Variants in ZNF487 observed in about 807,000 individuals in gnomAD.
ZNF487 encodes KRAB domain only 1.
In ZNF487, 4 loss-of-function variants were observed where a neutral mutation model predicts 3.0. The observed-to-expected ratio is 1.35, with a 90% confidence interval of 0.66 to 3.08. The LOEUF (loss-of-function observed/expected upper bound fraction) is 3.08, where lower values mean the gene tolerates loss of function less well. ZNF487 is among the 30% of genes most tolerant of loss of function. The pLI is 0.01. For synonymous variants in ZNF487, 55 were observed against 34.6 expected, an observed-to-expected ratio of 1.59 and a Z score of -2.06; for missense variants, 146 against 98.7, an observed-to-expected ratio of 1.48 and a Z score of -2.03.
the ZNF487 span, among the ~76,000 whole-genome samples, chr10:43,519,809 G>GC: frequency 6.6e-6 from 1 of 152,044 alleles, no homozygotes; most frequent in Non-Finnish European, 1.5e-5. Context: ...GCCACATTTA[G>GC]CCTGACCAAA....
intron 1 of ZNF487, among the ~76,000 whole-genome samples, chr10:43,438,580 A>G (rs545391422): frequency 2.4e-4 from 37 of 152,348 alleles, no homozygotes; most frequent in Non-Finnish European, 1.5e-5. Flanking sequence ...CCCTCAAAAA[A>G]TTAACAAATA....
chr10:43,480,064 GCTTCCTTC>G (rs1314606439), intron 3 of ZNF487, among the ~76,000 whole-genome samples: 2 of 122,356 alleles, frequency 1.6e-5, no homozygotes, highest in African/African-American at 3.2e-5. Context: ...TTTCTTCCTT[GCTTCCTTC>G]CTTCCTTCCT....
intron 1 of ZNF487, among the ~76,000 whole-genome samples, chr10:43,462,529 C>T (rs982070365): frequency 4.1e-5 from 6 of 147,728 alleles, no homozygotes; most frequent in Non-Finnish European, 1.5e-5. Context: ...GATCTCAGCT[C>T]ACTGCAACCT....
intron 3 of ZNF487, among the ~76,000 whole-genome samples, chr10:43,478,809 T>A (rs1841197919): frequency 6.6e-6 from 1 of 151,758 alleles, no homozygotes; most frequent in African/African-American, 2.4e-5. Context: ...GGAATATAAA[T>A]GATATATGGT....
intron 1 of ZNF487, among the ~76,000 whole-genome samples, chr10:43,465,553 C>T (rs1313735014): frequency 1.4e-5 from 2 of 146,864 alleles, no homozygotes; most frequent in African/African-American, 2.6e-5. Flanking sequence ...CCTGACGGGG[C>T]GGCGGGGCAG....
chr10:43,520,651 G>A, the ZNF487 span, among the ~76,000 whole-genome samples: 3 of 152,220 alleles, frequency 2.0e-5, no homozygotes, highest in Non-Finnish European at 2.9e-5. Flanking sequence ...CATACAAAGT[G>A]ATAAAGTTAA....
chr10:43,439,657 T>G (rs1461670483), intron 1 of ZNF487, among the ~76,000 whole-genome samples: 1 of 152,128 alleles, frequency 6.6e-6, no homozygotes, highest in Non-Finnish European at 1.5e-5. Flanking sequence ...TGAGCCGAGA[T>G]GGCACCACTA....
the ZNF487 span, among the ~76,000 whole-genome samples, chr10:43,489,045 TG>T: frequency 1.7e-3 from 257 of 152,100 alleles, no homozygotes; most frequent in African/African-American, 6.0e-3. Context: ...AGGAGGTCAA[TG>T]GTGTGGTGAA....
chr10:43,509,458 C>CATAT, the ZNF487 span, among the ~76,000 whole-genome samples: 57,993 of 134,706 alleles, frequency 0.43, 13,594 homozygotes, highest in Non-Finnish European at 0.53. Context: ...ACTAATGGAA[C>CATAT]ATATATATAT....
At chr10:43,493,682 T>C in the ZNF487 span, among the ~76,000 whole-genome samples, 1 of 80,212 alleles carries the variant, frequency 1.2e-5, no homozygotes, top group African/African-American at 6.8e-5. Context: ...AGCAAGACCC[T>C]TCCTCAAAAA....
chr10:43,488,034 G>A (rs1284680377), downstream of ZNF487, among the ~76,000 whole-genome samples: 6 of 151,212 alleles, frequency 4.0e-5, no homozygotes, highest in Non-Finnish European at 7.4e-5. Flanking sequence ...ACAGGGAGGC[G>A]GAGTTTGGAG....
the ZNF487 span, among the ~76,000 whole-genome samples, chr10:43,494,143 G>C: frequency 6.6e-6 from 1 of 152,138 alleles, no homozygotes; most frequent in East Asian, 1.9e-4. Context: ...GTAGTGTGCT[G>C]GGCAGCAGTG....
At chr10:43,504,477 A>G in the ZNF487 span, among the ~76,000 whole-genome samples, 2 of 151,286 alleles carry the variant, frequency 1.3e-5, no homozygotes, top group African/African-American at 4.8e-5. Flanking sequence ...TGTATTTTTT[A>G]GTAGAGATGG....
the ZNF487 span, among the ~76,000 whole-genome samples, chr10:43,515,524 C>T: frequency 6.6e-6 from 1 of 152,212 alleles, no homozygotes; most frequent in African/African-American, 2.4e-5. Context: ...CATCAGGGTC[C>T]TCCCACACAT....
intron 3 of ZNF487, 109 bp downstream of exon 3, chr10:43,476,311 G>A: frequency 3.2e-6 from 2 of 624,644 alleles, no homozygotes; most frequent in South Asian, 3.8e-5. Context: ...TGTTTTTAGA[G>A]TTACCAGAAC....
At chr10:43,461,516 T>C (rs900314125) in intron 1 of ZNF487, among the ~76,000 whole-genome samples, 3 of 151,964 alleles carry the variant, frequency 2.0e-5, no homozygotes, top group African/African-American at 7.2e-5. Context: ...AGATGGTGTT[T>C]TGCTATGTTG....
intron 1 of ZNF487, among the ~76,000 whole-genome samples, chr10:43,450,816 G>GA (rs377261035): frequency 6.6e-6 from 1 of 151,624 alleles, no homozygotes; most frequent in Non-Finnish European, 1.5e-5. Flanking sequence ...TGACTTAGAA[G>GA]AAAAAAAAGC....
the ZNF487 span, among the ~76,000 whole-genome samples, chr10:43,504,663 T>C: frequency 1.3e-5 from 2 of 152,002 alleles, no homozygotes; most frequent in South Asian, 4.1e-4. Context: ...AGTGGCTGCT[T>C]TGGGGATTAC....
intron 1 of ZNF487, among the ~76,000 whole-genome samples, chr10:43,438,343 A>G (rs1839458816): frequency 6.6e-6 from 1 of 151,922 alleles, no homozygotes; most frequent in African/African-American, 2.4e-5. Context: ...GTGCCACCAC[A>G]CCCGGCTAAT....
Sources: gnomAD v4.1 joint callset for allele counts (sites outside exome capture counted in the v4.1 genomes callset) on GRCh38, gnomAD v4.1.1 for gene constraint, MANE v1.5 for transcripts, NCBI Gene and HGNC (gene_info 2026-07-23, HGNC 2026-07-21) for gene names.